RICTOR: variants seen among roughly 807,000 people sequenced by gnomAD.
RICTOR encodes RPTOR independent companion of MTOR complex 2, also known as rapamycin-insensitive companion of mTOR.
Under a neutral mutation model 214.9 loss-of-function variants are expected in RICTOR, and 49 were observed. The observed-to-expected ratio is 0.23, with a 90% CI of 0.18 to 0.29. RICTOR has a LOEUF of 0.29. RICTOR is among the 10% of genes least tolerant of loss of function. RICTOR has a pLI of 1.00. For missense variants in RICTOR, 1,625 were observed against 2,047.0 expected (o/e 0.79, Z 3.98); for synonymous variants, 717 against 711.3 (o/e 1.01, Z -0.13).
intron 3 of RICTOR, among the ~76,000 whole-genome samples, chr5:39,009,636 T>G (rs1462012201): frequency 1.3e-5 from 2 of 152,168 alleles, no homozygotes; most frequent in Non-Finnish European, 2.9e-5. Context: ...AATGGTTAAA[T>G]GCCTTCAGGT....
At chr5:39,062,111 C>T (rs1758581167) in intron 2 of RICTOR, among the ~76,000 whole-genome samples, 2 of 152,004 alleles carry the variant, frequency 1.3e-5, no homozygotes, top group South Asian at 4.1e-4. Flanking sequence ...ATTAAAAACA[C>T]CGCTGAAAGT....
At position 38,949,992 on chromosome 5, in the gene RICTOR, A is replaced by T. The variant is rs1561444379; in HGVS notation, c.3856T>A (p.Ser1286Thr). ...TGAGAAGAACCTGGAGGCACCAGGGACACCGAATTTGATTTGGAGAGAGAC... is the reference window on the plus strand; with the variant it reads ...TGAGAAGAACCTGGAGGCACCAGGGTCACCGAATTTGATTTGGAGAGAGAC... ...HLSLSKSNSVSLVPPGSSHTL... is the reference protein window; with the variant it reads ...HLSLSKSNSVTLVPPGSSHTL... Residue 1286 changes from serine (S) to threonine (T), a missense_variant, in exon 31 of 38, where the codon TCC (serine) becomes ACC (threonine). Ser to Thr is a moderately conservative substitution (Grantham distance 58). Transcript: ENST00000357387. 1 of 1,613,530 alleles carries T rather than the reference A, an allele frequency of 6.2e-7. No individual in the cohort carries two copies. Among genetic ancestry groups the T allele is most frequent in the Admixed American group, 1.7e-5 (1 of 59,942 alleles).
chr5:39,036,313 G>A (rs1438806771), intron 2 of RICTOR, among the ~76,000 whole-genome samples: 3 of 152,132 alleles, frequency 2.0e-5, no homozygotes, highest in Non-Finnish European at 4.4e-5. Flanking sequence ...GCTCCTGAAG[G>A]AAGCACTAAA....
At chr5:39,047,714 A>C (rs909927205) in intron 2 of RICTOR, among the ~76,000 whole-genome samples, 2 of 152,252 alleles carry the variant, frequency 1.3e-5, no homozygotes, top group African/African-American at 4.8e-5. Context: ...AAATGAGTTT[A>C]GGTCACGTCA....
At chr5:39,065,329 C>T (rs905151131) in intron 2 of RICTOR, among the ~76,000 whole-genome samples, 1 of 152,134 alleles carries the variant, frequency 6.6e-6, no homozygotes. Flanking sequence ...GAAGACAGCA[C>T]CAAGCCATGA....
intron 5 of RICTOR, among the ~76,000 whole-genome samples, chr5:38,997,382 T>G (rs985776384): frequency 6.6e-6 from 1 of 152,314 alleles, no homozygotes; most frequent in Admixed American, 6.5e-5. Context: ...TCCAAACAAA[T>G]AGCACCAAAC....
intron 2 of RICTOR, among the ~76,000 whole-genome samples, chr5:39,070,247 T>C: frequency 6.6e-6 from 1 of 151,712 alleles, no homozygotes; most frequent in Non-Finnish European, 1.5e-5. Flanking sequence ...GGGTGGATCA[T>C]GAGGTCAGGA....
At chr5:39,071,812 A>C (rs559726981) in intron 2 of RICTOR, among the ~76,000 whole-genome samples, 1 of 152,376 alleles carries the variant, frequency 6.6e-6, no homozygotes, top group African/African-American at 2.4e-5. Flanking sequence ...AATTTAAAAA[A>C]TAAGAATAAA....
intron 25 of RICTOR, among the ~76,000 whole-genome samples, chr5:38,956,344 T>C (rs537207197): frequency 1.3e-5 from 2 of 152,168 alleles, no homozygotes; most frequent in East Asian, 3.9e-4. Flanking sequence ...ATATATACAA[T>C]TGAAATCCCT....
rs1175194099 is a variant in RICTOR, at chr5:38,945,592, C to T, written c.4532G>A (p.Gly1511Glu). ...GTTATCATCTGTATGTTCCTGTAGT[C>T]CAGTGTCTTCTGTACTTTCTAAAAA... ...SLFLESTEDT[G>E]LQEHTDDNCL... Residue 1511 changes from glycine to glutamate, a missense_variant, in exon 34 of 38, where the codon GGA (glycine) becomes GAA (glutamate). Transcript: ENST00000357387. 6.2e-7 allele frequency: 1 copy of T among 1,613,686 alleles called. No individual in the cohort carries two copies. The highest frequency in any genetic ancestry group is 8.5e-7 in the Non-Finnish European group (1 of 1,179,624).
chr5:38,966,749 G>A, intron 14 of RICTOR, 28 bp from the exon 15 acceptor site: 2 of 1,198,144 alleles, frequency 1.7e-6, no homozygotes, highest in Admixed American at 2.1e-5. Flanking sequence ...TAACACCACT[G>A]TTGCAAAATA....
At chr5:38,957,583 T>A in intron 25 of RICTOR, 69 bp downstream of exon 25, 1 of 861,472 alleles carries the variant, frequency 1.2e-6, no homozygotes, top group South Asian at 1.5e-5. Flanking sequence ...AAAACCATCC[T>A]CTAAATTCAC....
At chr5:38,975,847 C>T (rs1751188443) in intron 9 of RICTOR, among the ~76,000 whole-genome samples, 2 of 152,136 alleles carry the variant, frequency 1.3e-5, no homozygotes, top group Non-Finnish European at 2.9e-5. Flanking sequence ...TTCTATATTC[C>T]TGCTCCCTGA....
At chr5:39,014,253 T>C (rs1248654715) in intron 3 of RICTOR, among the ~76,000 whole-genome samples, 2 of 152,112 alleles carry the variant, frequency 1.3e-5, no homozygotes, top group East Asian at 1.9e-4. Flanking sequence ...GTATAATAAA[T>C]GGCAAATAAA....
intron 2 of RICTOR, among the ~76,000 whole-genome samples, chr5:39,028,502 G>A (rs990913976): frequency 2.0e-5 from 3 of 152,068 alleles, no homozygotes; most frequent in African/African-American, 7.2e-5. Flanking sequence ...ACACACTGTT[G>A]GAGGAGCATG....
At chr5:38,966,127 CA>C (rs1034195208) in intron 15 of RICTOR, among the ~76,000 whole-genome samples, 9 of 151,590 alleles carry the variant, frequency 5.9e-5, no homozygotes, top group Non-Finnish European at 1.2e-4. Flanking sequence ...CAAAACAAAA[CA>C]AAAAAAACCC....
chr5:38,963,492 T>C (rs1220129827), intron 16 of RICTOR, among the ~76,000 whole-genome samples: 1 of 152,022 alleles, frequency 6.6e-6, no homozygotes, highest in African/African-American at 2.4e-5. Flanking sequence ...ACAGTCTCTA[T>C]TTTCCACATT....
Position 39,015,762 on chromosome 5 carries a change from C to CA in RICTOR, c.195+5276dup, listed in dbSNP as rs1315288671. 3.3e-4 allele frequency among the ~76,000 whole-genome samples: 50 copies of CA among 151,786 alleles called. 1 individual carries two copies. The highest frequency in any genetic ancestry group is 4.4e-5 in the Non-Finnish European group (3 of 67,944). Reference sequence around the variant, plus strand: ...AAAAAACTAGAGAAGTGACAAAAAACAAAAAAACACAAAACACAAAAACCA... The same window carrying CA: ...AAAAAACTAGAGAAGTGACAAAAAACAAAAAAAACACAAAACACAAAAACCA... On this transcript the variant is annotated intron_variant, in intron 3 of 37. Coordinates refer to ENST00000357387, the MANE Select transcript of RICTOR (RefSeq NM_152756.5).
chr5:39,008,722 TA>T (rs200663534), intron 3 of RICTOR, among the ~76,000 whole-genome samples: 1 of 150,082 alleles, frequency 6.7e-6, no homozygotes, highest in African/African-American at 2.4e-5. Context: ...AATATACCAT[TA>T]AAAAAAAACT....
Sources: allele counts gnomAD v4.1 joint callset (sites outside exome capture counted in the v4.1 genomes callset), GRCh38; gene constraint gnomAD v4.1.1; transcripts MANE v1.5; gene names NCBI Gene and HGNC (gene_info 2026-07-23, HGNC 2026-07-21).